CNTNAP2: variants seen among roughly 807,000 people sequenced by gnomAD.
The protein encoded by CNTNAP2 is contactin associated protein 2.
In CNTNAP2, 98 loss-of-function variants were observed where a neutral mutation model predicts 155.2. The observed-to-expected ratio is 0.63, with a 90% CI of 0.54 to 0.75. CNTNAP2 has a LOEUF of 0.75. CNTNAP2 is among the 30% of genes least tolerant of loss of function. The pLI, the probability that CNTNAP2 is intolerant of heterozygous loss-of-function variation, is 0.00. For missense variants in CNTNAP2, 1,727 were observed against 1,688.1 expected (o/e 1.02, Z -0.40); for synonymous variants, 651 against 631.2 (o/e 1.03, Z -0.47).
chr7:147,235,329 T>C (rs1318159210), intron 8 of CNTNAP2, among the ~76,000 whole-genome samples: 1 of 147,970 alleles, frequency 6.8e-6, no homozygotes, highest in Non-Finnish European at 1.5e-5. Context: ...AACCTTTTTA[T>C]AGAGATGGAG....
intron 21 of CNTNAP2, among the ~76,000 whole-genome samples, chr7:148,336,552 A>AAAAG (rs112523562): frequency 0.022 from 928 of 42,670 alleles, 17 homozygotes; most frequent in African/African-American, 0.083. Flanking sequence ...ATGAAAAAGA[A>AAAAG]AAAAAAAAAA....
chr7:147,522,777 A>C (rs975829588), intron 11 of CNTNAP2, among the ~76,000 whole-genome samples: 9 of 150,500 alleles, frequency 6.0e-5, no homozygotes, highest in East Asian at 1.9e-4. Flanking sequence ...GCAAAAAAAA[A>C]ACAAAAAAAC....
intron 3 of CNTNAP2, among the ~76,000 whole-genome samples, chr7:146,846,469 T>G (rs1803844030): frequency 6.6e-6 from 1 of 152,216 alleles, no homozygotes. Context: ...TAGATTTTTC[T>G]GTTTATACTC....
chr7:146,456,658 C>T (rs1224608136), intron 1 of CNTNAP2, among the ~76,000 whole-genome samples: 1 of 152,102 alleles, frequency 6.6e-6, no homozygotes, highest in African/African-American at 2.4e-5. Flanking sequence ...CCAAGTTCTC[C>T]TTAAGGCCTC....
chr7:146,876,809 T>G (rs557513178), intron 3 of CNTNAP2, among the ~76,000 whole-genome samples: 2 of 152,298 alleles, frequency 1.3e-5, no homozygotes, highest in East Asian at 3.9e-4. Context: ...ATATGTGTTT[T>G]TCACTCAAAA....
At chr7:147,849,129 C>A (rs1237819887) in intron 13 of CNTNAP2, among the ~76,000 whole-genome samples, 1 of 152,140 alleles carries the variant, frequency 6.6e-6, no homozygotes, top group Non-Finnish European at 1.5e-5. Context: ...AAAACAGCAA[C>A]ATTCTGTTGC....
chr7:148,043,980 A>T (rs1255477446), intron 15 of CNTNAP2, among the ~76,000 whole-genome samples: 9 of 152,220 alleles, frequency 5.9e-5, no homozygotes, highest in African/African-American at 2.2e-4. Flanking sequence ...TGTAATTCGT[A>T]AATTATTTTT....
At chr7:146,663,076 G>A (rs887441934) in intron 1 of CNTNAP2, among the ~76,000 whole-genome samples, 3 of 151,992 alleles carry the variant, frequency 2.0e-5, no homozygotes, top group Non-Finnish European at 4.4e-5. Context: ...TCAGGAGTTC[G>A]AGACCAGCCT....
intron 18 of CNTNAP2, among the ~76,000 whole-genome samples, chr7:148,177,461 C>T (rs1562985196): frequency 6.6e-6 from 1 of 152,166 alleles, no homozygotes; most frequent in Non-Finnish European, 1.5e-5. Flanking sequence ...AGAAGCGTAG[C>T]CCTGAGAACA....
chr7:147,602,190 A>AC (rs1401484841), intron 12 of CNTNAP2, among the ~76,000 whole-genome samples: 1 of 152,038 alleles, frequency 6.6e-6, no homozygotes, highest in African/African-American at 2.4e-5. Flanking sequence ...CTTAAAAAAA[A>AC]ATGCTACCTG....
chr7:147,335,508 T>C (rs1188056197), intron 9 of CNTNAP2, among the ~76,000 whole-genome samples: 1 of 152,034 alleles, frequency 6.6e-6, no homozygotes, highest in African/African-American at 2.4e-5. Context: ...GAATCCACTA[T>C]CATAGAGAAA....
chr7:146,380,257 T>C (rs1795362036), intron 1 of CNTNAP2, among the ~76,000 whole-genome samples: 1 of 152,212 alleles, frequency 6.6e-6, no homozygotes, highest in Non-Finnish European at 1.5e-5. Context: ...AATGATGCAG[T>C]ACACTTAATT....
At chr7:147,919,459 C>CTTTCTTTTTTGTTTTTTT (rs58537091) in intron 14 of CNTNAP2, among the ~76,000 whole-genome samples, 1 of 51,240 alleles carries the variant, frequency 2.0e-5, no homozygotes, top group Admixed American at 3.0e-4. Flanking sequence ...CTTTTTCTTT[C>CTTTCTTTTTTGTTTTTTT]TTTTTTTTTT....
chr7:148,199,498 C>T (rs1795333289), intron 18 of CNTNAP2, among the ~76,000 whole-genome samples: 1 of 152,172 alleles, frequency 6.6e-6, no homozygotes. Flanking sequence ...GATTCCAATG[C>T]CCATGTCGAA....
At chr7:146,748,290 C>G (rs995566576) in intron 1 of CNTNAP2, among the ~76,000 whole-genome samples, 2 of 151,698 alleles carry the variant, frequency 1.3e-5, no homozygotes, top group Admixed American at 1.3e-4. Flanking sequence ...GGACTACAGG[C>G]GCCAGCCACC....
chr7:147,191,928 T>C (rs1284570461), intron 8 of CNTNAP2, among the ~76,000 whole-genome samples: 1 of 152,218 alleles, frequency 6.6e-6, no homozygotes, highest in Non-Finnish European at 1.5e-5. Flanking sequence ...TTCTGTCCTG[T>C]CCTGTTTGTA....
intron 13 of CNTNAP2, among the ~76,000 whole-genome samples, chr7:147,890,418 T>C (rs920194186): frequency 6.6e-6 from 1 of 152,330 alleles, no homozygotes; most frequent in African/African-American, 2.4e-5. Context: ...ACGACCATTA[T>C]GAGAAACAGC....
intron 1 of CNTNAP2, among the ~76,000 whole-genome samples, chr7:146,256,648 A>T (rs1229394819): frequency 2.0e-5 from 3 of 152,024 alleles, no homozygotes; most frequent in Admixed American, 6.6e-5. Flanking sequence ...ATAAGAAAAT[A>T]TGAGAAAATA....
chr7:147,792,586 G>A lies in CNTNAP2; in HGVS notation c.2099-110979G>A, dbSNP rs548930302. ...ATATCTCATTGTATGACTATGCCAC[G>A]TTTTATTTATAATTTATCAACTGAA... On this transcript the variant is annotated intron_variant, in intron 13 of 23. Coordinates refer to ENST00000361727, the MANE Select transcript of CNTNAP2 (RefSeq NM_014141.6). 4.0e-5 allele frequency among the ~76,000 whole-genome samples: 6 copies of A among 151,824 alleles called. No homozygotes were observed. In the South Asian group the frequency reaches 1.2e-3, roughly 31 times the overall value.
Sources: allele counts gnomAD v4.1 joint callset (sites outside exome capture counted in the v4.1 genomes callset), GRCh38; gene constraint gnomAD v4.1.1; transcripts MANE v1.5; gene names NCBI Gene and HGNC (gene_info 2026-07-23, HGNC 2026-07-21).